Variants in GRM7 observed in about 807,000 individuals in gnomAD.
The protein encoded by GRM7 is glutamate metabotropic receptor 7, also known as metabotropic glutamate receptor 7.
Under a neutral mutation model 84.5 loss-of-function variants are expected in GRM7, and 35 were observed. The ratio of observed to expected loss-of-function variants is 0.41; its 90% CI spans 0.32 to 0.55. The LOEUF is 0.55. Among genes scored for constraint, GRM7 ranks in the 20% least tolerant of loss-of-function variants. GRM7 has a pLI of 0.19. For missense variants in GRM7, 1,003 were observed against 1,194.6 expected (o/e 0.84, Z 2.36); for synonymous variants, 487 against 455.1 (o/e 1.07, Z -0.89).
chr3:7,298,969 C>G, intron 3 of GRM7, 144 bp downstream of exon 3: 1 of 692,860 alleles, frequency 1.4e-6, no homozygotes, highest in Non-Finnish European at 2.5e-6. Context: ...TGCCTCTACC[C>G]AACACATACA....
intron 2 of GRM7, among the ~76,000 whole-genome samples, chr3:7,180,811 T>A (rs985446713): frequency 6.6e-6 from 1 of 152,188 alleles, no homozygotes; most frequent in African/African-American, 2.4e-5. Context: ...TGCTAACACC[T>A]ACCATTGTAT....
At chr3:7,215,590 G>C (rs1422238287) in intron 2 of GRM7, among the ~76,000 whole-genome samples, 1 of 151,958 alleles carries the variant, frequency 6.6e-6, no homozygotes, top group Admixed American at 6.5e-5. Context: ...GCGTGAACCC[G>C]GGGGGCGGAG....
intron 1 of GRM7, among the ~76,000 whole-genome samples, chr3:6,960,026 A>G (rs1693229353): frequency 6.6e-6 from 1 of 152,194 alleles, no homozygotes; most frequent in Non-Finnish European, 1.5e-5. Flanking sequence ...GTTTCTGCTT[A>G]TATCAATAGG....
At chr3:7,168,093 T>A (rs1694864326) in intron 2 of GRM7, among the ~76,000 whole-genome samples, 1 of 148,396 alleles carries the variant, frequency 6.7e-6, no homozygotes, top group African/African-American at 2.5e-5. Context: ...TCTCAGAGAA[T>A]GGGATATCTG....
At position 7,725,944 on chromosome 3, in the gene GRM7, A is replaced by G. The variant is rs566802144; in HGVS notation, c.2699-14413A>G. 4.6e-5 allele frequency among the ~76,000 whole-genome samples: 7 copies of G among 152,324 alleles called. No individual in the cohort carries two copies. In the East Asian group the frequency reaches 1.4e-3, roughly 29 times the overall value. On this transcript the variant is annotated intron_variant, in intron 9 of 9. Coordinates refer to ENST00000357716, the MANE Select transcript of GRM7 (RefSeq NM_000844.4). ...AGGGGGAGAAGTCTCTCATAGGTGT[A>G]TTCAACATATGAATGCCTCAGGAAA...
chr3:7,272,121 C>G (rs1698888143), intron 2 of GRM7, among the ~76,000 whole-genome samples: 3 of 152,130 alleles, frequency 2.0e-5, no homozygotes, highest in Admixed American at 1.3e-4. Flanking sequence ...CAGTTGCTAT[C>G]TTTTTGGTCC....
At chr3:7,681,266 G>T (rs530461847) in intron 9 of GRM7, 1 of 152,184 alleles carries the variant, frequency 6.6e-6, no homozygotes, top group African/African-American at 2.4e-5. Flanking sequence ...AGTCATTCAC[G>T]ACATACTGTA....
chr3:7,398,671 G>C (rs1328078403), intron 4 of GRM7, among the ~76,000 whole-genome samples: 8 of 151,944 alleles, frequency 5.3e-5, no homozygotes, highest in Admixed American at 5.2e-4. Flanking sequence ...ACTTGTTTTT[G>C]TGTCGGTGTT....
At chr3:7,234,671 C>G (rs868418223) in intron 2 of GRM7, among the ~76,000 whole-genome samples, 1 of 152,132 alleles carries the variant, frequency 6.6e-6, no homozygotes, top group Middle Eastern at 3.4e-3. Flanking sequence ...ATTTTTCTGG[C>G]AACACCCAAA....
intron 4 of GRM7, among the ~76,000 whole-genome samples, chr3:7,331,151 T>C (rs1425408419): frequency 6.6e-6 from 1 of 152,212 alleles, no homozygotes; most frequent in Non-Finnish European, 1.5e-5. Context: ...CTGTATTCCC[T>C]CTATACTAAA....
chr3:6,863,146 T>C lies in GRM7; in HGVS notation c.519+1239T>C. The stretch of plus-strand genomic sequence containing the variant: ...TGCTGTTTTTTTTTTCTCTCTGTTT[T>C]TTCTCTCCTTTTCAATCTCTCCCTC... On this transcript the variant is annotated intron_variant, in intron 1 of 9. Coordinates refer to ENST00000357716, the MANE Select transcript of GRM7 (RefSeq NM_000844.4). The surrounding 1 kb of genome is among the most constrained non-coding windows in gnomAD (Gnocchi z 4.8). The C allele has an allele frequency of 3.1e-6, 1 of 326,630 alleles. No homozygotes were observed. The highest frequency in any genetic ancestry group is 2.4e-5 in the South Asian group (1 of 42,358). 20.2% of individuals were successfully genotyped at this position (326,630 alleles called of 1,614,324 possible). A position where few individuals can be genotyped will look rare whatever the true frequency, so the allele number is the denominator to read the frequency against.
intron 1 of GRM7, among the ~76,000 whole-genome samples, chr3:6,922,650 G>T (rs1341135996): frequency 6.6e-6 from 1 of 152,110 alleles, no homozygotes; most frequent in Non-Finnish European, 1.5e-5. Context: ...ATATAGAACA[G>T]AACTTTAAAC....
intron 4 of GRM7, among the ~76,000 whole-genome samples, chr3:7,395,815 G>C (rs977363797): frequency 1.3e-5 from 2 of 152,102 alleles, no homozygotes; most frequent in African/African-American, 4.8e-5. Context: ...GTCTTTATCA[G>C]CAGCGTGAGA....
intron 2 of GRM7, among the ~76,000 whole-genome samples, chr3:7,196,661 A>C: frequency 6.6e-6 from 1 of 152,094 alleles, no homozygotes; most frequent in East Asian, 1.9e-4. Flanking sequence ...TTTAGTGAAG[A>C]TGTTCCTGAC....
chr3:7,112,417 G>C (rs1163682963), intron 1 of GRM7, among the ~76,000 whole-genome samples: 1 of 151,834 alleles, frequency 6.6e-6, no homozygotes, highest in Non-Finnish European at 1.5e-5. Context: ...GTAGAGATGG[G>C]GTTTCACCAT....
intron 4 of GRM7, among the ~76,000 whole-genome samples, chr3:7,375,808 G>T (rs143497186): frequency 3.9e-5 from 6 of 152,164 alleles, no homozygotes; most frequent in Non-Finnish European, 7.4e-5. Context: ...AAATGTCCTT[G>T]CCTATGACTT....
intron 2 of GRM7, among the ~76,000 whole-genome samples, chr3:7,168,629 T>C (rs980970556): frequency 6.6e-6 from 1 of 152,166 alleles, no homozygotes. Flanking sequence ...CATTTTGTTA[T>C]AGCAGCCCAA....
intron 7 of GRM7, among the ~76,000 whole-genome samples, chr3:7,468,814 C>A (rs999183340): frequency 6.6e-6 from 1 of 152,152 alleles, no homozygotes; most frequent in Non-Finnish European, 1.5e-5. Context: ...CTCCTTTCTC[C>A]TGCCACCATA....
intron 1 of GRM7, among the ~76,000 whole-genome samples, chr3:7,001,832 A>G (rs181418331): frequency 1.1e-3 from 162 of 152,320 alleles, no homozygotes; most frequent in Non-Finnish European, 1.8e-3. Flanking sequence ...TTTATCTACA[A>G]TAAACATGAA....
Sources: allele counts gnomAD v4.1 joint callset (sites outside exome capture counted in the v4.1 genomes callset), GRCh38; gene constraint gnomAD v4.1.1; non-coding constraint Gnocchi (gnomAD v3.1); transcripts MANE v1.5; gene names NCBI Gene and HGNC (gene_info 2026-07-23, HGNC 2026-07-21).